The following PLPPR5 variants were observed in gnomAD, a reference collection of about 807,000 sequenced individuals.
PLPPR5 encodes the protein phospholipid phosphatase-related protein type 5.
Under a neutral mutation model 33.9 loss-of-function variants are expected in PLPPR5, and 16 were observed. That is an observed-to-expected ratio of 0.47 (90% CI 0.32 to 0.72). The LOEUF (loss-of-function observed/expected upper bound fraction) is 0.72. Among genes scored for constraint, PLPPR5 ranks in the 30% least tolerant of loss-of-function variants. The probability of loss-of-function intolerance (pLI) is 0.03; values close to 1 mark genes in which losing one functional copy is unlikely to be tolerated. For synonymous variants in PLPPR5, 163 were observed against 150.3 expected, an observed-to-expected ratio of 1.08 and a Z score of -0.62; for missense variants, 301 against 406.7, an observed-to-expected ratio of 0.74 and a Z score of 2.23.
rs149030472 is a variant in PLPPR5, at chr1:98,960,262, G to A, written c.238-3521C>T. 3.9e-3 allele frequency among the ~76,000 whole-genome samples: 588 copies of A among 152,046 alleles called. 3 individuals carry two copies. Among genetic ancestry groups the A allele is most frequent in the African/African-American group, 0.014 (562 of 41,488 alleles). ...TCTGTCACCCAGGCTGGAGTGCAGT[G>A]GCGCACTCTTGGCTCACTGCAACCT... On this transcript the variant is annotated intron_variant, in intron 1 of 5. Transcript: ENST00000263177.
intron 1 of PLPPR5, among the ~76,000 whole-genome samples, chr1:98,970,159 G>A (rs1330177461): frequency 6.6e-6 from 1 of 152,010 alleles, no homozygotes; most frequent in African/African-American, 2.4e-5. Context: ...TTCACAGGAA[G>A]AGTAAATGTT....
chr1:98,930,035 T>G lies in PLPPR5; in HGVS notation c.622-7977A>C, dbSNP rs12092401. Among the ~76,000 whole-genome samples, 543 of 152,276 alleles carry G rather than the reference T, an allele frequency of 3.6e-3. 1 individual carries two copies. Among genetic ancestry groups the G allele is most frequent in the African/African-American group, 0.013 (520 of 41,552 alleles). On this transcript the variant is annotated intron_variant, in intron 3 of 5. Transcript: ENST00000263177. ...TAATTCTATCCCATCATCTCCAAGA[T>G]TTAAAATTCCCTGACTAGCAAGTAA...
rs1200107433 is a variant in PLPPR5, at chr1:98,978,614, A to G, written c.238-21873T>C. Among the ~76,000 whole-genome samples, 3 of 152,198 alleles carry G rather than the reference A, an allele frequency of 2.0e-5. No homozygotes were observed. The East Asian group carries it at 5.8e-4, about 30-fold the overall frequency. ...TGAAGCCAGGCAAAACTGGTTTCAA[A>G]TTACTTAACTTTATGCAGATTACAT... On this transcript the variant is annotated intron_variant, in intron 1 of 5. Coordinates refer to ENST00000263177, the MANE Select transcript of PLPPR5 (RefSeq NM_001037317.2).
chr1:98,926,209 A>G (rs1557671717), intron 3 of PLPPR5, among the ~76,000 whole-genome samples: 1 of 152,158 alleles, frequency 6.6e-6, no homozygotes, highest in East Asian at 1.9e-4. Context: ...TGCACACTCT[A>G]GTGCTTTTGA....
intron 3 of PLPPR5, among the ~76,000 whole-genome samples, chr1:98,940,497 TAG>T (rs1320161297): frequency 6.6e-6 from 1 of 151,930 alleles, no homozygotes; most frequent in African/African-American, 2.4e-5. Context: ...AGACAGCTTT[TAG>T]CCAGGGCTAA....
intron 1 of PLPPR5, among the ~76,000 whole-genome samples, chr1:98,971,687 A>G (rs1020780469): frequency 2.0e-5 from 3 of 152,118 alleles, no homozygotes; most frequent in Non-Finnish European, 4.4e-5. Context: ...CCCAGCAGTT[A>G]GCATGAGTGT....
intron 4 of PLPPR5, among the ~76,000 whole-genome samples, chr1:98,918,730 C>T (rs1030203080): frequency 6.6e-6 from 1 of 152,168 alleles, no homozygotes; most frequent in Non-Finnish European, 1.5e-5. Context: ...ATATAGTCAT[C>T]AAACGTGAAG....
At position 99,004,624 on chromosome 1, in the gene PLPPR5, C is replaced by G; in HGVS notation, c.48G>C (p.Gln16His). 6.2e-7 allele frequency: 1 copy of G among 1,613,062 alleles called. No homozygotes were observed. The highest frequency in any genetic ancestry group is 8.5e-7 in the Non-Finnish European group (1 of 1,179,762). The change falls in exon 1 of 6, where the codon CAG becomes CAC. Residue 16 changes from glutamine (Q) to histidine (H), a missense_variant. Coordinates refer to ENST00000263177, the MANE Select transcript of PLPPR5 (RefSeq NM_001037317.2). ...TCACCGTCCCTGCCATGATCACCAT[C>G]TGGAAATAGAGCATGCTGCTGGTGA... Reference protein sequence around the residue: ...AALTSSMLYFQMVIMAGTVML... With the variant: ...AALTSSMLYFHMVIMAGTVML...
intron 5 of PLPPR5, among the ~76,000 whole-genome samples, chr1:98,906,037 C>T (rs1181591980): frequency 6.6e-6 from 1 of 151,870 alleles, no homozygotes; most frequent in African/African-American, 2.4e-5. Context: ...GGTAGGTAAA[C>T]AACTCTTTCT....
At position 98,924,217 on chromosome 1, in the gene PLPPR5, T is replaced by C. The variant is rs184291366; in HGVS notation, c.622-2159A>G. On this transcript the variant is annotated intron_variant, in intron 3 of 5. Coordinates refer to ENST00000263177, the MANE Select transcript of PLPPR5 (RefSeq NM_001037317.2). ...ACTTATTCAATCTTCAAAACAATCA[T>C]TGAAGTTAGGTATCACTGTTACCTC... 7.2e-4 allele frequency among the ~76,000 whole-genome samples: 109 copies of C among 152,330 alleles called. 1 individual carries two copies. Among genetic ancestry groups the C allele is most frequent in the Non-Finnish European group, 1.6e-4 (11 of 68,034 alleles).
intron 3 of PLPPR5, among the ~76,000 whole-genome samples, chr1:98,929,522 A>C (rs1250913089): frequency 6.6e-6 from 1 of 152,178 alleles, no homozygotes; most frequent in Non-Finnish European, 1.5e-5. Flanking sequence ...GAAAAACACT[A>C]AGGAGTCACA....
intron 1 of PLPPR5, among the ~76,000 whole-genome samples, chr1:98,974,179 A>G (rs1054216707): frequency 2.6e-5 from 4 of 152,068 alleles, no homozygotes; most frequent in Non-Finnish European, 5.9e-5. Context: ...CAGAAGTGTC[A>G]GCAAGTAGAG....
chr1:98,924,496 A>G (rs1358097721), intron 3 of PLPPR5, among the ~76,000 whole-genome samples: 1 of 152,218 alleles, frequency 6.6e-6, no homozygotes, highest in Non-Finnish European at 1.5e-5. Flanking sequence ...CCACCACAGA[A>G]TCATAGGAGT....
intron 3 of PLPPR5, among the ~76,000 whole-genome samples, chr1:98,946,816 G>A (rs200540369): frequency 1.6e-4 from 24 of 152,274 alleles, no homozygotes; most frequent in Non-Finnish European, 2.2e-4. Context: ...TGAAGGACGC[G>A]TGAAAATATC....
chr1:98,953,578 T>C (rs567038128), intron 2 of PLPPR5, among the ~76,000 whole-genome samples: 1 of 152,230 alleles, frequency 6.6e-6, no homozygotes, highest in Non-Finnish European at 1.5e-5. Context: ...TTATAAGACA[T>C]AAGATAAAAT....
chr1:98,902,234 T>A (rs75887773), intron 5 of PLPPR5, among the ~76,000 whole-genome samples: 6,585 of 152,202 alleles, frequency 0.043, 278 homozygotes, highest in African/African-American at 0.1. Context: ...CTGATATGAC[T>A]GTTATATTTA....
chr1:98,909,968 G>T (rs1006581017), intron 5 of PLPPR5, among the ~76,000 whole-genome samples: 4 of 152,000 alleles, frequency 2.6e-5, no homozygotes, highest in Non-Finnish European at 5.9e-5. Flanking sequence ...CATAAACTAT[G>T]GTAATTAACT....
intron 3 of PLPPR5, among the ~76,000 whole-genome samples, chr1:98,949,089 T>C (rs1474608708): frequency 6.6e-6 from 1 of 152,154 alleles, no homozygotes; most frequent in Admixed American, 6.6e-5. Context: ...TGAAGTTCAT[T>C]TGCTTTTAAT....
At chr1:98,965,947 A>G (rs1651435286) in intron 1 of PLPPR5, among the ~76,000 whole-genome samples, 1 of 152,228 alleles carries the variant, frequency 6.6e-6, no homozygotes, top group African/African-American at 2.4e-5. Context: ...ATATCCAAAA[A>G]GCAAAATGAA....
Sources: gnomAD v4.1 joint callset for allele counts (sites outside exome capture counted in the v4.1 genomes callset) on GRCh38, gnomAD v4.1.1 for gene constraint, MANE v1.5 for transcripts, NCBI Gene and HGNC (gene_info 2026-07-23, HGNC 2026-07-21) for gene names.